The following FAM13B variants were observed in gnomAD, a reference collection of about 807,000 sequenced individuals.
FAM13B encodes family with sequence similarity 13 member B.
FAM13B carries 60 observed loss-of-function variants against 117.3 expected under a neutral mutation model. The observed-to-expected ratio is 0.51, with a 90% CI of 0.42 to 0.63. The LOEUF (loss-of-function observed/expected upper bound fraction) is 0.63, where lower values mean the gene tolerates loss of function less well. FAM13B is among the 30% of genes least tolerant of loss of function. FAM13B has a pLI of 0.00. For synonymous variants in FAM13B, 332 were observed against 356.1 expected (o/e 0.93, Z 0.76); for missense variants, 972 against 1,091.9 (o/e 0.89, Z 1.55).
At chr5:137,941,187 C>T (rs939317942) in intron 23 of FAM13B, among the ~76,000 whole-genome samples, 5 of 152,102 alleles carry the variant, frequency 3.3e-5, no homozygotes, top group Non-Finnish European at 5.9e-5. Context: ...GTATTACAGA[C>T]GTGAGCCACT....
chr5:137,979,999 TAAAAAAAA>T (rs10709915), intron 10 of FAM13B, among the ~76,000 whole-genome samples: 1 of 95,562 alleles, frequency 1.0e-5, no homozygotes, highest in Non-Finnish European at 2.1e-5. Flanking sequence ...CTGTCTCTAC[TAAAAAAAA>T]AAAAAAAAAA....
At chr5:138,027,675 C>T (rs1242947598) in intron 1 of FAM13B, among the ~76,000 whole-genome samples, 2 of 152,198 alleles carry the variant, frequency 1.3e-5, no homozygotes, top group African/African-American at 4.8e-5. Context: ...ATAAACTTAC[C>T]TATCAAATGT....
chr5:137,987,513 ACAC>A lies in FAM13B; in HGVS notation c.991_993del (p.Val331del), dbSNP rs1392344140. On this transcript the variant is annotated inframe_deletion, in exon 9 of 24. Coordinates refer to ENST00000689681, the MANE Select transcript of FAM13B (RefSeq NM_001385994.1). The stretch of plus-strand genomic sequence containing the variant: ...TGAATACTTTCTGCTTCATTATTAC[ACAC>A]CACACTTTGCTGTTGTAAATTCTTA... 1 of 1,613,428 alleles carries A rather than the reference ACAC, an allele frequency of 6.2e-7. No homozygotes were observed. The highest frequency in any genetic ancestry group is 8.5e-7 in the Non-Finnish European group (1 of 1,179,626).
intron 10 of FAM13B, among the ~76,000 whole-genome samples, chr5:137,972,588 T>C (rs1445457508): frequency 6.6e-6 from 1 of 151,902 alleles, no homozygotes; most frequent in Non-Finnish European, 1.5e-5. Context: ...CTATTCAACA[T>C]AGTGTTGGAA....
intron 11 of FAM13B, among the ~76,000 whole-genome samples, chr5:137,962,005 G>A (rs949581989): frequency 6.6e-6 from 1 of 152,080 alleles, no homozygotes; most frequent in Non-Finnish European, 1.5e-5. Context: ...ATTCAAAGAG[G>A]AAGAAAAACA....
intron 7 of FAM13B, among the ~76,000 whole-genome samples, chr5:138,000,943 CAAAAAAA>C (rs77100079): frequency 7.1e-5 from 10 of 141,388 alleles, no homozygotes; most frequent in African/African-American, 2.6e-4. Flanking sequence ...AAACAAAAAA[CAAAAAAA>C]AAAAAAACAG....
At chr5:138,028,797 T>C (rs1789118313) in intron 1 of FAM13B, among the ~76,000 whole-genome samples, 2 of 152,166 alleles carry the variant, frequency 1.3e-5, no homozygotes, top group African/African-American at 2.4e-5. Context: ...GGCAGGCGGA[T>C]CACCTGAGGT....
chr5:137,967,705 C>T (rs147089033), intron 10 of FAM13B, among the ~76,000 whole-genome samples: 1 of 151,852 alleles, frequency 6.6e-6, no homozygotes, highest in African/African-American at 2.4e-5. Flanking sequence ...CCAGCCCAGG[C>T]AACAAAGTGA....
chr5:138,016,458 C>A (rs1785282134), intron 4 of FAM13B, among the ~76,000 whole-genome samples: 2 of 152,070 alleles, frequency 1.3e-5, no homozygotes, highest in Admixed American at 1.3e-4. Context: ...GATCTTGTCT[C>A]TACAAAACAT....
intron 10 of FAM13B, among the ~76,000 whole-genome samples, chr5:137,967,495 C>A (rs1326590205): frequency 6.6e-6 from 1 of 151,898 alleles, no homozygotes; most frequent in African/African-American, 2.4e-5. Context: ...TGCACTTCAA[C>A]CTGGGAGACA....
chr5:137,956,477 C>A lies in FAM13B; in HGVS notation c.1507G>T (p.Glu503Ter). The A allele has an allele frequency of 6.3e-7, 1 of 1,594,742 alleles. No homozygotes were observed. Among genetic ancestry groups the A allele is most frequent in the South Asian group, 1.1e-5 (1 of 87,204 alleles). ...CTAAACTATGGTGAACCATACTTAC[C>A]CTCCCCATCTCTCTGCAGATGCATT... is the stretch of plus-strand genomic sequence containing the variant. ...KTMHLQRDGE[E>*]PFPAFKSWQE... The change falls in exon 14 of 24, where the codon GAG becomes TAG. Residue 503 changes from glutamate (E) to a stop codon, truncating the protein, a stop_gained and splice_region_variant. Transcript: ENST00000689681. LOFTEE classifies it high-confidence loss of function.
At chr5:138,016,705 T>C (rs944777482) in intron 4 of FAM13B, among the ~76,000 whole-genome samples, 6 of 152,198 alleles carry the variant, frequency 3.9e-5, no homozygotes, top group Non-Finnish European at 8.8e-5. Context: ...TAGCTTCTGA[T>C]AGATTCTACC....
chr5:138,010,889 T>A lies in FAM13B; in HGVS notation c.690+119A>T, dbSNP rs181292518. 9 of 1,066,970 alleles carry A rather than the reference T, an allele frequency of 8.4e-6. No individual in the cohort carries two copies. The Admixed American group carries it at 2.3e-4, about 28-fold the overall frequency. 66.1% of individuals were successfully genotyped at this position (1,066,970 alleles called of 1,614,324 possible). ...TACTGATTACATATAATAACCAAGA[T>A]AATTACTTCCAGGTCAGATTTAAAT... On this transcript the variant is annotated intron_variant, in intron 6 of 23. Coordinates refer to ENST00000689681, the MANE Select transcript of FAM13B (RefSeq NM_001385994.1).
chr5:138,017,782 C>A (rs1327302360), intron 4 of FAM13B, among the ~76,000 whole-genome samples: 1 of 152,094 alleles, frequency 6.6e-6, no homozygotes, highest in Admixed American at 6.5e-5. Flanking sequence ...GTTTCTTTAG[C>A]TTAGAGTCTA....
At chr5:138,048,072 A>G (rs756032201) in intron 1 of FAM13B, among the ~76,000 whole-genome samples, 4 of 152,164 alleles carry the variant, frequency 2.6e-5, no homozygotes, top group Non-Finnish European at 5.9e-5. Context: ...GAAAGAAAGA[A>G]AAAAGAAAGA....
intron 10 of FAM13B, among the ~76,000 whole-genome samples, chr5:137,967,189 A>G (rs922099251): frequency 1.3e-5 from 2 of 152,178 alleles, no homozygotes; most frequent in Admixed American, 6.5e-5. Context: ...CTGGAAACAA[A>G]TATTTGCGAC....
At chr5:138,026,983 A>AAATAAATT (rs1358271012) in intron 1 of FAM13B, among the ~76,000 whole-genome samples, 5 of 131,888 alleles carry the variant, frequency 3.8e-5, no homozygotes, top group Non-Finnish European at 8.2e-5. Flanking sequence ...ATAAATAAAT[A>AAATAAATT]AATTAGCGAA....
intron 14 of FAM13B, 56 bp from the exon 15 acceptor site, chr5:137,954,432 A>T: frequency 7.1e-7 from 1 of 1,408,848 alleles, no homozygotes; most frequent in Non-Finnish European, 9.8e-7. Flanking sequence ...ACGTGGGAAA[A>T]AAGTCACAAA....
chr5:138,027,317 T>A (rs1197284040), intron 1 of FAM13B, among the ~76,000 whole-genome samples: 1 of 152,172 alleles, frequency 6.6e-6, no homozygotes, highest in Non-Finnish European at 1.5e-5. Flanking sequence ...ACATCCCTAT[T>A]ATCACTGGTA....
Sources: gnomAD v4.1 joint callset for allele counts (sites outside exome capture counted in the v4.1 genomes callset) on GRCh38, gnomAD v4.1.1 for gene constraint, MANE v1.5 for transcripts, NCBI Gene and HGNC (gene_info 2026-07-23, HGNC 2026-07-21) for gene names.